RPRD1B: variants seen among roughly 807,000 people sequenced by gnomAD.
The protein encoded by RPRD1B is regulation of nuclear pre-mRNA domain-containing protein 1B.
A neutral mutation model predicts 41.5 loss-of-function variants in RPRD1B; 11 were observed. The ratio of observed to expected loss-of-function variants is 0.27; its 90% CI spans 0.17 to 0.44. The LOEUF (loss-of-function observed/expected upper bound fraction) is 0.44. Among genes scored for constraint, RPRD1B ranks in the 20% least tolerant of loss-of-function variants. The pLI is 1.00. For missense variants in RPRD1B, 248 were observed against 389.9 expected (o/e 0.64, Z 3.06); for synonymous variants, 158 against 155.6 (o/e 1.02, Z -0.12).
chr20:38,040,666 A>G (rs2074056905), intron 2 of RPRD1B, 102 bp downstream of exon 2: 2 of 1,302,406 alleles, frequency 1.5e-6, no homozygotes, highest in South Asian at 1.5e-5. Context: ...ACAACTTCCT[A>G]CTTTACAGAG....
intron 1 of RPRD1B, among the ~76,000 whole-genome samples, chr20:38,039,695 C>T (rs192090998): frequency 5.9e-5 from 9 of 151,360 alleles, no homozygotes; most frequent in South Asian, 2.1e-4. Context: ...TGAGCCACCA[C>T]GCTCGGCGAA....
chr20:38,041,321 G>A (rs2074064157), intron 2 of RPRD1B, among the ~76,000 whole-genome samples: 1 of 152,184 alleles, frequency 6.6e-6, no homozygotes. Context: ...ATGAATGGGA[G>A]ACTAGTAGGT....
chr20:38,075,648 G>A (rs914463058), intron 6 of RPRD1B, among the ~76,000 whole-genome samples: 6 of 152,184 alleles, frequency 3.9e-5, no homozygotes, highest in Non-Finnish European at 7.3e-5. Flanking sequence ...GGCATACTTT[G>A]CAATCTTGGA....
In RPRD1B at chr20:38,090,165, CT is replaced by C. The variant is rs2074600737; in HGVS notation, c.*292del. The C allele has an allele frequency of 5.5e-6, 6 of 1,099,198 alleles. No homozygotes were observed. The highest frequency in any genetic ancestry group is 6.7e-6 in the Non-Finnish European group (6 of 901,946). The allele number at this position is 1,099,198 out of a possible 1,614,324, so 68.1% of individuals were successfully genotyped here. On this transcript the variant is annotated 3_prime_UTR_variant, in exon 7 of 7. Coordinates refer to ENST00000373433, the MANE Select transcript of RPRD1B (RefSeq NM_021215.4). ...TTGGTTTTCCATTCTTAACTGTCTC[CT>C]TATACCTAAGAAGTTATGAAAATCA...
At position 38,040,517 on chromosome 20, in the gene RPRD1B, T is replaced by G. The variant is rs2074055167; in HGVS notation, c.234T>G (p.Thr78=). 1 of 1,610,510 alleles carries G rather than the reference T, an allele frequency of 6.2e-7. No homozygotes were observed. The change falls in exon 2 of 7, where the codon ACT becomes ACG. Residue 78 remains threonine (T), a synonymous_variant. Coordinates refer to ENST00000373433, the MANE Select transcript of RPRD1B (RefSeq NM_021215.4). ...GTAAAAGGAAAGGACCTGAATTCAC[T>G]AGAGAATTTGAATCTGTCCTTGTGG... ...QNSKRKGPEF[T]REFESVLVDA... is the part of the protein sequence containing the mutation.
chr20:38,067,729 C>A (rs549525295), intron 6 of RPRD1B, among the ~76,000 whole-genome samples: 1 of 152,276 alleles, frequency 6.6e-6, no homozygotes, highest in South Asian at 2.1e-4. Flanking sequence ...GACCAGAGAT[C>A]CTAAAGGGAG....
chr20:38,037,835 C>T (rs1051607583), intron 1 of RPRD1B, among the ~76,000 whole-genome samples: 1 of 151,396 alleles, frequency 6.6e-6, no homozygotes, highest in Non-Finnish European at 1.5e-5. Flanking sequence ...TCCACACTGA[C>T]ATTTTACAAT....
At chr20:38,063,088 C>T (rs975322797) in intron 5 of RPRD1B, among the ~76,000 whole-genome samples, 2 of 152,096 alleles carry the variant, frequency 1.3e-5, no homozygotes, top group African/African-American at 4.8e-5. Flanking sequence ...GGCTCCTTGC[C>T]AGTCACTCTT....
chr20:38,034,953 C>G (rs1330706146), intron 1 of RPRD1B, among the ~76,000 whole-genome samples: 1 of 152,202 alleles, frequency 6.6e-6, no homozygotes, highest in Admixed American at 6.5e-5. Flanking sequence ...GAATGGATAA[C>G]TGAAATTTAC....
intron 3 of RPRD1B, chr20:38,049,665 G>T: frequency 2.1e-6 from 1 of 468,598 alleles, no homozygotes; most frequent in African/African-American, 2.0e-5. Context: ...ACCTCACCTG[G>T]CCTATTTTTT....
intron 1 of RPRD1B, among the ~76,000 whole-genome samples, chr20:38,038,261 G>T (rs1352953875): frequency 6.6e-6 from 1 of 151,130 alleles, no homozygotes; most frequent in Non-Finnish European, 1.5e-5. Flanking sequence ...ACTGTAATGT[G>T]CTATTAAAAT....
rs2273353 is a variant in RPRD1B, at chr20:38,040,472, G to A, written c.189G>A (p.Ala63=). ...SNRKLTFLYL[A]NDVIQNSKRK... ...GAAAGCTTACTTTTCTGTATTTAGC[G>A]AATGATGTCATCCAAAACAGTAAAA... Residue 63 remains alanine (A), a synonymous_variant, in exon 2 of 7, where the codon GCG becomes GCA. Coordinates refer to ENST00000373433, the MANE Select transcript of RPRD1B (RefSeq NM_021215.4). The A allele has an allele frequency of 0.18, 291,927 of 1,603,238 alleles. 30,701 individuals are homozygous for A. Among genetic ancestry groups the A allele is most frequent in the African/African-American group, 0.44 (32,641 of 74,114 alleles).
intron 6 of RPRD1B, among the ~76,000 whole-genome samples, chr20:38,079,411 C>T (rs1256594176): frequency 3.3e-5 from 5 of 152,152 alleles, no homozygotes; most frequent in African/African-American, 1.2e-4. Flanking sequence ...CACCCTCCTC[C>T]CATCCTCCAC....
intron 4 of RPRD1B, among the ~76,000 whole-genome samples, chr20:38,058,404 A>G: frequency 7.1e-6 from 1 of 140,412 alleles, no homozygotes. Context: ...GTTAGGTCAT[A>G]TATCTTTGGA....
chr20:38,039,928 T>C (rs1245308184), intron 1 of RPRD1B, among the ~76,000 whole-genome samples: 1 of 151,794 alleles, frequency 6.6e-6, no homozygotes, highest in Non-Finnish European at 1.5e-5. Flanking sequence ...GAGGTAGGGT[T>C]TCACCATGTT....
chr20:38,044,564 CG>C (rs760723767), intron 2 of RPRD1B, among the ~76,000 whole-genome samples: 19 of 152,068 alleles, frequency 1.2e-4, no homozygotes, highest in Admixed American at 2.6e-4. Flanking sequence ...TTAGTAGAGA[CG>C]GAGTTTCACC....
chr20:38,066,214 G>T lies in RPRD1B; in HGVS notation c.789G>T (p.Gln263His), dbSNP rs1447217384. ...QLARMLVEYT[Q>H]NQKDVLSEKE... is the part of the protein sequence containing the mutation. ...CTCGGATGTTGGTGGAGTATACCCA[G>T]AATCAGAAAGATGTTTTGTCGGAGA... is the stretch of plus-strand genomic sequence containing the variant. Residue 263 changes from glutamine (Q) to histidine (H), a missense_variant, in exon 6 of 7, where the codon CAG (glutamine) becomes CAT (histidine). Coordinates refer to ENST00000373433, the MANE Select transcript of RPRD1B (RefSeq NM_021215.4). 3 of 1,614,082 alleles carry T rather than the reference G, an allele frequency of 1.9e-6. No homozygotes were observed. The highest frequency in any genetic ancestry group is 2.5e-6 in the Non-Finnish European group (3 of 1,180,036).
At position 38,033,853 on chromosome 20, in the gene RPRD1B, C is replaced by T. The variant is rs881556; in HGVS notation, c.-95C>T. On this transcript the variant is annotated 5_prime_UTR_variant, in exon 1 of 7. Transcript: ENST00000373433. ...GTCTGTCAGTCGGTAAAAAGTCCCGCAGCCTGTCAGGTGAGGCCCCGGCCT... is the reference window on the plus strand; with the variant it reads ...GTCTGTCAGTCGGTAAAAAGTCCCGTAGCCTGTCAGGTGAGGCCCCGGCCT... 224,842 of 1,279,408 alleles carry T rather than the reference C, an allele frequency of 0.18. 21,595 individuals carry two copies. The highest frequency in any genetic ancestry group is 0.33 in the African/African-American group (22,084 of 65,962). 79.3% of individuals were successfully genotyped at this position (1,279,408 alleles called of 1,614,324 possible). A position where few individuals can be genotyped will look rare whatever the true frequency, so the allele number is the denominator to read the frequency against.
At chr20:38,064,098 A>G (rs2074328393) in intron 5 of RPRD1B, among the ~76,000 whole-genome samples, 1 of 152,218 alleles carries the variant, frequency 6.6e-6, no homozygotes, top group Admixed American at 6.5e-5. Flanking sequence ...CCACCCCAGG[A>G]GCTTGCTCAT....
Sources: allele counts gnomAD v4.1 joint callset (sites outside exome capture counted in the v4.1 genomes callset), GRCh38; gene constraint gnomAD v4.1.1; transcripts MANE v1.5; gene names NCBI Gene and HGNC (gene_info 2026-07-23, HGNC 2026-07-21).